The following PCDH7 variants were observed in gnomAD, a reference collection of about 807,000 sequenced individuals.
PCDH7 encodes protocadherin-7.
A neutral mutation model predicts 58.9 loss-of-function variants in PCDH7; 17 were observed. The observed-to-expected ratio is 0.29, with a 90% CI of 0.20 to 0.43. The LOEUF is 0.43. Ranked by LOEUF, PCDH7 falls within the 20% of genes least tolerant of loss-of-function variation. PCDH7 has a pLI of 1.00. For missense variants in PCDH7, 1,274 were observed against 1,441.0 expected (o/e 0.88, Z 1.88); for synonymous variants, 664 against 616.4 (o/e 1.08, Z -1.14).
chr4:30,939,864 C>G (rs1745814899), intron 2 of PCDH7, among the ~76,000 whole-genome samples: 1 of 152,026 alleles, frequency 6.6e-6, no homozygotes, highest in Non-Finnish European at 1.5e-5. Flanking sequence ...GCATTTATTA[C>G]AGAAGTACCT....
chr4:31,088,459 G>T (rs1295190997), intron 3 of PCDH7, among the ~76,000 whole-genome samples: 1 of 151,766 alleles, frequency 6.6e-6, no homozygotes, highest in Non-Finnish European at 1.5e-5. Flanking sequence ...GCTTTCCCTG[G>T]GCCTTTCTTT....
At chr4:31,095,899 C>A (rs1378945305) in intron 3 of PCDH7, among the ~76,000 whole-genome samples, 1 of 152,086 alleles carries the variant, frequency 6.6e-6, no homozygotes, top group African/African-American at 2.4e-5. Context: ...CAAATAAGGT[C>A]TTACAAAAAG....
intron 2 of PCDH7, among the ~76,000 whole-genome samples, chr4:30,942,691 G>T (rs1339362465): frequency 6.6e-6 from 1 of 151,876 alleles, no homozygotes; most frequent in African/African-American, 2.4e-5. Flanking sequence ...AGTAACCCAG[G>T]TTAAGAACAT....
chr4:31,028,157 T>C (rs1311564812), intron 3 of PCDH7, among the ~76,000 whole-genome samples: 1 of 152,190 alleles, frequency 6.6e-6, no homozygotes, highest in African/African-American at 2.4e-5. Flanking sequence ...TTAAATAATG[T>C]CCGCTGACAT....
chr4:31,069,069 A>T (rs1758328550), intron 3 of PCDH7, among the ~76,000 whole-genome samples: 1 of 151,912 alleles, frequency 6.6e-6, no homozygotes, highest in African/African-American at 2.4e-5. Flanking sequence ...GTGTGTATTT[A>T]CACATTGAAA....
intron 1 of PCDH7, among the ~76,000 whole-genome samples, chr4:30,802,899 G>C (rs1725708970): frequency 6.6e-6 from 1 of 152,140 alleles, no homozygotes; most frequent in African/African-American, 2.4e-5. Context: ...AGGAACTCTT[G>C]GCAGCCCAGG....
intron 1 of PCDH7, among the ~76,000 whole-genome samples, chr4:30,804,224 T>A (rs1311998950): frequency 6.6e-6 from 1 of 152,154 alleles, no homozygotes; most frequent in South Asian, 2.1e-4. Flanking sequence ...CACTTGAACA[T>A]ACTGTAGGCT....
In PCDH7 at chr4:30,895,940, T is replaced by G. The variant is rs374649420; in HGVS notation, c.71-24213T>G. Among the ~76,000 whole-genome samples, 5 of 152,322 alleles carry G rather than the reference T, an allele frequency of 3.3e-5. No homozygotes were observed. In the South Asian group the frequency reaches 1.0e-3, roughly 32 times the overall value. On this transcript the variant is annotated intron_variant, in intron 1 of 3. Coordinates refer to the PCDH7 transcript ENST00000509759. The stretch of plus-strand genomic sequence containing the variant: ...ATTCAGGACTCTATTGATGCTTTAC[T>G]TCTTCCGCTTCATCTAATGCACCAT...
chr4:31,142,055 A>G (rs1720321947), intron 3 of PCDH7, among the ~76,000 whole-genome samples: 2 of 152,172 alleles, frequency 1.3e-5, no homozygotes, highest in Non-Finnish European at 2.9e-5. Context: ...AAAGCACACC[A>G]CTTCTGGGAT....
chr4:30,882,309 T>C (rs1737084671), intron 1 of PCDH7, among the ~76,000 whole-genome samples: 1 of 151,856 alleles, frequency 6.6e-6, no homozygotes, highest in Non-Finnish European at 1.5e-5. Flanking sequence ...GTAGCTTAGG[T>C]TGGAGTGCAA....
chr4:30,859,182 A>G (rs867895051), intron 1 of PCDH7, among the ~76,000 whole-genome samples: 1 of 152,150 alleles, frequency 6.6e-6, no homozygotes, highest in Non-Finnish European at 1.5e-5. Context: ...CAAAGTGCCT[A>G]TCTAAAACTG....
intron 1 of PCDH7, among the ~76,000 whole-genome samples, chr4:30,799,439 A>G (rs949039915): frequency 2.0e-5 from 3 of 152,228 alleles, no homozygotes; most frequent in East Asian, 1.9e-4. Flanking sequence ...CATCTATGCA[A>G]AGTAGTTAAC....
intron 3 of PCDH7, among the ~76,000 whole-genome samples, chr4:31,001,855 A>G (rs898304169): frequency 6.6e-6 from 1 of 152,178 alleles, no homozygotes; most frequent in African/African-American, 2.4e-5. Flanking sequence ...CCCTACTTCT[A>G]TGTTCAACAC....
chr4:31,119,338 A>G (rs1717370556), intron 3 of PCDH7, among the ~76,000 whole-genome samples: 1 of 152,142 alleles, frequency 6.6e-6, no homozygotes, highest in Admixed American at 6.5e-5. Context: ...ATAGGTCTGT[A>G]ACCATTGAGA....
At position 31,049,065 on chromosome 4, in the gene PCDH7, T is replaced by C. The variant is rs562231816; in HGVS notation, c.*8-93408T>C. Among the ~76,000 whole-genome samples, 11 of 152,234 alleles carry C rather than the reference T, an allele frequency of 7.2e-5. No individual in the cohort carries two copies. The East Asian group carries it at 1.2e-3, about 16-fold the overall frequency. ...GCACAACGTGCAGGTTTGTTACATA[T>C]GTATACATGTGCCATGTTGATATGC... On this transcript the variant is annotated intron_variant, in intron 3 of 3. Transcript: ENST00000509759.
intron 1 of PCDH7, among the ~76,000 whole-genome samples, chr4:30,871,245 A>G (rs1481350850): frequency 6.6e-6 from 1 of 152,048 alleles, no homozygotes; most frequent in Non-Finnish European, 1.5e-5. Flanking sequence ...TTACCCCCAG[A>G]GTTTACTTTT....
rs1468717620 is a variant in PCDH7, at chr4:31,015,367, C to T, written c.*7+65152C>T. 3.9e-5 allele frequency among the ~76,000 whole-genome samples: 6 copies of T among 152,232 alleles called. No homozygotes were observed. The South Asian group carries it at 8.3e-4, about 21-fold the overall frequency. On this transcript the variant is annotated intron_variant, in intron 3 of 3. Coordinates refer to the PCDH7 transcript ENST00000509759. ...TACAGAGGTGTACTGTGAAATCCCA[C>T]GTGATGATTCCCAGTGTGTTTTATA...
intron 3 of PCDH7, among the ~76,000 whole-genome samples, chr4:31,056,463 A>AAGAAAGAAAG (rs1757207269): frequency 9.5e-6 from 1 of 105,442 alleles, no homozygotes; most frequent in Non-Finnish European, 2.0e-5. Context: ...AGAAAGAAGA[A>AAGAAAGAAAG]AGAAAGAAAG....
intron 3 of PCDH7, chr4:30,987,833 A>C (rs757717163): frequency 1.3e-5 from 2 of 152,164 alleles, no homozygotes; most frequent in African/African-American, 4.8e-5. Context: ...GCATAGTCAT[A>C]CTAATGAAAC....
Sources: gnomAD v4.1 joint callset for allele counts (sites outside exome capture counted in the v4.1 genomes callset) on GRCh38, gnomAD v4.1.1 for gene constraint, MANE v1.5 for transcripts, NCBI Gene and HGNC (gene_info 2026-07-23, HGNC 2026-07-21) for gene names.